The following HCN1 variants were observed in gnomAD, a reference collection of about 807,000 sequenced individuals.
HCN1 encodes hyperpolarization activated cyclic nucleotide gated potassium channel 1, also known as potassium/sodium hyperpolarization-activated cyclic nucleotide-gated channel 1.
A neutral mutation model predicts 78.9 loss-of-function variants in HCN1; 13 were observed. The observed-to-expected ratio is 0.16, with a 90% CI of 0.11 to 0.26. The LOEUF is 0.26. Among genes scored for constraint, HCN1 ranks in the 10% least tolerant of loss-of-function variants. The pLI is 1.00. For synonymous variants in HCN1, 552 were observed against 455.5 expected (o/e 1.21, Z -2.70); for missense variants, 810 against 1,154.3 (o/e 0.70, Z 4.32).
chr5:45,601,344 T>A (rs1744620367), intron 2 of HCN1, among the ~76,000 whole-genome samples: 1 of 152,126 alleles, frequency 6.6e-6, no homozygotes, highest in Non-Finnish European at 1.5e-5. Flanking sequence ...TAGAAGACAA[T>A]CCCAAATCAT....
At chr5:45,289,837 T>C (rs1295870425) in intron 6 of HCN1, among the ~76,000 whole-genome samples, 1 of 152,030 alleles carries the variant, frequency 6.6e-6, no homozygotes, top group Non-Finnish European at 1.5e-5. Flanking sequence ...AAGATCAGGG[T>C]GCCAGCATGG....
At chr5:45,316,605 A>G (rs1188088301) in intron 5 of HCN1, among the ~76,000 whole-genome samples, 5 of 152,054 alleles carry the variant, frequency 3.3e-5, no homozygotes, top group Admixed American at 6.6e-5. Context: ...ATTCAATTAC[A>G]AAAAGAGGAA....
chr5:45,380,287 T>G (rs1441619160), intron 4 of HCN1, among the ~76,000 whole-genome samples: 1 of 152,042 alleles, frequency 6.6e-6, no homozygotes, highest in Non-Finnish European at 1.5e-5. Flanking sequence ...TATAAGGGTG[T>G]TAATGCCATT....
intron 2 of HCN1, among the ~76,000 whole-genome samples, chr5:45,482,165 C>A (rs1741668380): frequency 6.6e-6 from 1 of 152,108 alleles, no homozygotes; most frequent in African/African-American, 2.4e-5. Flanking sequence ...AGAAAGAAGA[C>A]AAAGGCTGGG....
At chr5:45,686,710 T>C (rs1019561018) in intron 1 of HCN1, among the ~76,000 whole-genome samples, 5 of 152,228 alleles carry the variant, frequency 3.3e-5, no homozygotes, top group Non-Finnish European at 2.9e-5. Context: ...AATATATTGT[T>C]CCAAATGATC....
intron 2 of HCN1, among the ~76,000 whole-genome samples, chr5:45,537,523 CTTTTTTTTTTTT>C (rs71000638): frequency 3.1e-4 from 8 of 25,766 alleles, no homozygotes; most frequent in African/African-American, 3.3e-4. Context: ...AACTCTAAGT[CTTTTTTTTTTTT>C]TTTTTTTTTT....
chr5:45,302,573 C>A (rs1464335548), intron 6 of HCN1, among the ~76,000 whole-genome samples: 4 of 151,632 alleles, frequency 2.6e-5, no homozygotes, highest in African/African-American at 9.7e-5. Context: ...TAGTCTTTGA[C>A]CCAGTAAATC....
intron 2 of HCN1, among the ~76,000 whole-genome samples, chr5:45,536,953 A>G (rs1316037864): frequency 6.6e-6 from 1 of 152,140 alleles, no homozygotes; most frequent in African/African-American, 2.4e-5. Context: ...TGCATGCACA[A>G]TTTCTCAACC....
intron 2 of HCN1, among the ~76,000 whole-genome samples, chr5:45,590,931 A>C (rs1008988844): frequency 1.3e-5 from 2 of 152,042 alleles, no homozygotes; most frequent in African/African-American, 4.8e-5. Flanking sequence ...GCCTGGGCTC[A>C]AACAATCCTC....
At chr5:45,614,332 G>A (rs187747010) in intron 2 of HCN1, among the ~76,000 whole-genome samples, 52 of 152,032 alleles carry the variant, frequency 3.4e-4, no homozygotes, top group African/African-American at 1.0e-3. Flanking sequence ...ACATAAATCC[G>A]TCATATTAAT....
At chr5:45,684,811 G>A (rs773900564) in intron 1 of HCN1, among the ~76,000 whole-genome samples, 4 of 152,130 alleles carry the variant, frequency 2.6e-5, no homozygotes, top group African/African-American at 7.2e-5. Context: ...GCAGTGAGCC[G>A]TGATCATGCC....
chr5:45,535,384 A>C (rs2111812979), intron 2 of HCN1, among the ~76,000 whole-genome samples: 1 of 152,216 alleles, frequency 6.6e-6, no homozygotes, highest in South Asian at 2.1e-4. Flanking sequence ...GATCACTTGA[A>C]GTCAGGAGTT....
chr5:45,314,380 A>G (rs1034763283), intron 5 of HCN1, among the ~76,000 whole-genome samples: 1 of 152,068 alleles, frequency 6.6e-6, no homozygotes, highest in African/African-American at 2.4e-5. Flanking sequence ...CATGGAAAGG[A>G]ACGACCGGTA....
At chr5:45,509,464 A>C (rs1320315648) in intron 2 of HCN1, among the ~76,000 whole-genome samples, 1 of 152,182 alleles carries the variant, frequency 6.6e-6, no homozygotes, top group Non-Finnish European at 1.5e-5. Flanking sequence ...CTAAGCCTGC[A>C]TGCTGCAGGT....
intron 2 of HCN1, among the ~76,000 whole-genome samples, chr5:45,518,405 T>A (rs1019042382): frequency 6.6e-6 from 1 of 151,952 alleles, no homozygotes; most frequent in African/African-American, 2.4e-5. Flanking sequence ...CATGGTGGTG[T>A]GGCAGCCTGA....
intron 2 of HCN1, among the ~76,000 whole-genome samples, chr5:45,635,648 C>A (rs1274426646): frequency 2.0e-5 from 3 of 152,084 alleles, no homozygotes; most frequent in Non-Finnish European, 2.9e-5. Context: ...AATTATATAA[C>A]CAACCAAATG....
intron 2 of HCN1, among the ~76,000 whole-genome samples, chr5:45,528,336 T>C (rs938065307): frequency 6.6e-6 from 1 of 151,956 alleles, no homozygotes; most frequent in Non-Finnish European, 1.5e-5. Flanking sequence ...ATTTCATATA[T>C]TTAGTGTTTT....
intron 2 of HCN1, among the ~76,000 whole-genome samples, chr5:45,527,633 C>G (rs1455059222): frequency 6.6e-6 from 1 of 151,526 alleles, no homozygotes; most frequent in Non-Finnish European, 1.5e-5. Flanking sequence ...CTCTCTGTCT[C>G]TCTCTCACAC....
At chr5:45,608,154 A>G (rs1463874593) in intron 2 of HCN1, among the ~76,000 whole-genome samples, 1 of 152,022 alleles carries the variant, frequency 6.6e-6, no homozygotes, top group African/African-American at 2.4e-5. Flanking sequence ...ATTTTGGAAT[A>G]TATCTAACAA....
Sources: allele counts gnomAD v4.1 joint callset (sites outside exome capture counted in the v4.1 genomes callset), GRCh38; gene constraint gnomAD v4.1.1; transcripts MANE v1.5; gene names NCBI Gene and HGNC (gene_info 2026-07-23, HGNC 2026-07-21).